MMP9: variants seen among roughly 807,000 people sequenced by gnomAD.
MMP9 encodes matrix metallopeptidase 9.
A neutral mutation model predicts 76.4 loss-of-function variants in MMP9; 73 were observed. The observed-to-expected ratio is 0.96, with a 90% CI of 0.79 to 1.16. The LOEUF (loss-of-function observed/expected upper bound fraction) is 1.16, where lower values mean the gene tolerates loss of function less well. Among genes scored for constraint, MMP9 ranks in the 50% most tolerant of loss-of-function variants. The probability of loss-of-function intolerance (pLI) is 0.00; values close to 1 mark genes in which losing one functional copy is unlikely to be tolerated. For missense variants in MMP9, 943 were observed against 973.0 expected (o/e 0.97, Z 0.41); for synonymous variants, 412 against 408.4 (o/e 1.01, Z -0.11).
In MMP9 at chr20:46,009,884, G is replaced by C; in HGVS notation, c.157G>C (p.Gly53Arg). 3 of 1,551,984 alleles carry C rather than the reference G, an allele frequency of 1.9e-6. No individual in the cohort carries two copies. Among genetic ancestry groups the C allele is most frequent in the Non-Finnish European group, 2.6e-6 (3 of 1,147,118 alleles). ...TCCACAGGAATACCTGTACCGCTAT[G>C]GTTACACTCGGGTGGCAGAGATGCG... ...QLAEEYLYRYGYTRVAEMRGE... is the reference protein window; with the variant it reads ...QLAEEYLYRYRYTRVAEMRGE... Residue 53 changes from glycine (G) to arginine (R), a missense_variant, in exon 2 of 13, where the codon GGT becomes CGT. Transcript: ENST00000372330.
rs2084274553 is a variant in MMP9 at position 46,010,942 on chromosome 20, T to A, written c.541T>A (p.Phe181Ile). 1 of 1,614,122 alleles carries A rather than the reference T, an allele frequency of 6.2e-7. No homozygotes were observed. Among genetic ancestry groups the A allele is most frequent in the African/African-American group, 1.3e-5 (1 of 74,948 alleles). The change falls in exon 4 of 13, where the codon TTC becomes ATC. Residue 181 changes from phenylalanine to isoleucine, a missense_variant. Coordinates refer to ENST00000372330, the MANE Select transcript of MMP9 (RefSeq NM_004994.3). ...GVAEHGDGYP[F>I]DGKDGLLAHA... ...TTCAGAGCACGGAGACGGGTATCCC[T>A]TCGACGGGAAGGACGGGCTCCTGGC... is the stretch of plus-strand genomic sequence containing the variant.
Position 46,014,147 on chromosome 20 carries a change from G to A in MMP9, c.1774G>A (p.Gly592Ser). ...FSGRQVWVYT[G>S]ASVLGPRRLD... is the part of the protein sequence containing the mutation. ...AGGGCGCCAGGTGTGGGTGTACACA[G>A]GCGCGTCGGTGCTGGGCCCGAGGCG... is the stretch of plus-strand genomic sequence containing the variant. Residue 592 changes from glycine to serine, a missense_variant, in exon 11 of 13, where the codon GGC (glycine) becomes AGC (serine). Physicochemically the swap from Gly to Ser is moderately conservative, Grantham distance 56. Transcript: ENST00000372330. The A allele has an allele frequency of 1.2e-5, 18 of 1,536,604 alleles. No homozygotes were observed. Among genetic ancestry groups the A allele is most frequent in the Non-Finnish European group, 1.4e-5 (16 of 1,146,592 alleles).
Position 46,013,203 on chromosome 20 carries a change from G to T in MMP9, c.1331-52G>T. 11 of 1,609,044 alleles carry T rather than the reference G, an allele frequency of 6.8e-6. No homozygotes were observed. Among genetic ancestry groups the T allele is most frequent in the Non-Finnish European group, 9.4e-6 (11 of 1,175,650 alleles). On this transcript the variant is annotated intron_variant, in intron 8 of 12. Coordinates refer to ENST00000372330, the MANE Select transcript of MMP9 (RefSeq NM_004994.3). The surrounding 1 kb of genome is among the most constrained non-coding windows in gnomAD (Gnocchi z 4.5). ...AGCTTAGGGGAGCAGATGTTCTAGG[G>T]GTACAGAGGTATGCAGGAATAGGAA...
At chr20:46,015,034 A>G (rs2084310150) in intron 12 of MMP9, among the ~76,000 whole-genome samples, 1 of 152,166 alleles carries the variant, frequency 6.6e-6, no homozygotes, top group African/African-American at 2.4e-5. Flanking sequence ...AGCCCAAACC[A>G]TACTGGCTGT....
chr20:46,015,858 T>C (rs2084318024), intron 12 of MMP9, among the ~76,000 whole-genome samples: 1 of 152,246 alleles, frequency 6.6e-6, no homozygotes, highest in Non-Finnish European at 1.5e-5. Context: ...GCCTGCATTT[T>C]TTCTGCTTAT....
chr20:46,014,082 C>T, intron 10 of MMP9, 42 bp from the exon 11 acceptor site: 2 of 1,533,606 alleles, frequency 1.3e-6, no homozygotes, highest in Middle Eastern at 2.3e-4. Flanking sequence ...AGTACGTGCT[C>T]CCTCTGCGCC....
At chr20:46,012,656 T>TGGGGTTGGGGGGTG in intron 8 of MMP9, 74 bp downstream of exon 8, 2 of 969,064 alleles carry the variant, frequency 2.1e-6, no homozygotes, top group African/African-American at 1.9e-5. Flanking sequence ...AATTGGGGGT[T>TGGGGTTGGGGGGTG]GGGGATCGGG....
rs1023186665 is a variant in MMP9 at position 46,010,118 on chromosome 20, G to A, written c.371+20G>A. 1.3e-6 allele frequency: 2 copies of A among 1,516,328 alleles called. No individual in the cohort carries two copies. The highest frequency in any genetic ancestry group is 1.8e-6 in the Non-Finnish European group (2 of 1,118,750). 93.9% of individuals were successfully genotyped at this position (1,516,328 alleles called of 1,614,324 possible). On this transcript the variant is annotated intron_variant, in intron 2 of 12. Coordinates refer to ENST00000372330, the MANE Select transcript of MMP9 (RefSeq NM_004994.3). ...CTATTGGTGAGCCGGGGCCGTGGGG[G>A]CAGCGGGGTGGGGCGGGGAGGCCAG...
In MMP9 at chr20:46,014,439, T is replaced by C. The variant is rs200684686; in HGVS notation, c.1970T>C (p.Val657Ala). 4.5e-6 allele frequency: 7 copies of C among 1,549,974 alleles called. No individual in the cohort carries two copies. Among genetic ancestry groups the C allele is most frequent in the Non-Finnish European group, 6.1e-6 (7 of 1,146,858 alleles). ...ASEVDRMFPG[V>A]PLDTHDVFQY... ...GAGGTGGACCGGATGTTCCCCGGGG[T>C]GCCTTTGGACACGCACGACGTCTTC... The change falls in exon 12 of 13, where the codon GTG becomes GCG. Residue 657 changes from valine (V) to alanine (A), a missense_variant. Physicochemically the swap from Val to Ala is moderately conservative, Grantham distance 64. Coordinates refer to ENST00000372330, the MANE Select transcript of MMP9 (RefSeq NM_004994.3).
At chr20:46,011,423 C>T in intron 5 of MMP9, 107 bp downstream of exon 5, 1 of 1,570,660 alleles carries the variant, frequency 6.4e-7, no homozygotes. Flanking sequence ...AATTCACCCT[C>T]CCGCACTCTG....
At chr20:46,009,576 C>G (rs1008445302) in intron 1 of MMP9, among the ~76,000 whole-genome samples, 11 of 151,976 alleles carry the variant, frequency 7.2e-5, no homozygotes, top group Admixed American at 2.0e-4. Context: ...CGCTGAAGCT[C>G]AGGAGTTTGA....
rs6104427 is a variant in MMP9, at chr20:46,014,209, G to A, written c.1836G>A (p.Gln612=). The change falls in exon 11 of 13, where the codon CAG becomes CAA. Residue 612 remains glutamine, a synonymous_variant. Coordinates refer to ENST00000372330, the MANE Select transcript of MMP9 (RefSeq NM_004994.3). ...DKLGLGADVA[Q]VTGALRSGRG... ...TGGGCCTGGGAGCCGACGTGGCCCA[G>A]GTGACCGGGGCCCTCCGGAGTGGCA... 17 of 1,538,274 alleles carry A rather than the reference G, an allele frequency of 1.1e-5. No individual in the cohort carries two copies. Among genetic ancestry groups the A allele is most frequent in the African/African-American group, 1.4e-5 (1 of 72,918 alleles).
At chr20:46,010,230 TC>T in intron 2 of MMP9, 132 bp downstream of exon 2, 2 of 900,076 alleles carry the variant, frequency 2.2e-6, no homozygotes, top group Non-Finnish European at 3.3e-6. Flanking sequence ...CTGGGGAGTG[TC>T]CCCACCTCTG....
chr20:46,015,453 C>CTTTTTTTT (rs199508388), intron 12 of MMP9, among the ~76,000 whole-genome samples: 13 of 125,574 alleles, frequency 1.0e-4, no homozygotes, highest in South Asian at 5.1e-4. Flanking sequence ...TTTCTTTTTT[C>CTTTTTTTT]TTTTTTTTTT....
intron 8 of MMP9, 92 bp downstream of exon 8, chr20:46,012,674 C>T (rs2084290973): frequency 2.8e-6 from 4 of 1,450,898 alleles, no homozygotes; most frequent in South Asian, 2.3e-5. Context: ...GGGGGAGGAA[C>T]GGGGCGTGCA....
Position 46,012,408 on chromosome 20 carries a change from A to G in MMP9, c.1175-19A>G, listed in dbSNP as rs564008652. The G allele has an allele frequency of 3.1e-6, 5 of 1,613,886 alleles. No individual in the cohort carries two copies. The highest frequency in any genetic ancestry group is 1.3e-5 in the African/African-American group (1 of 75,030). On this transcript the variant is annotated intron_variant, in intron 7 of 12. Coordinates refer to ENST00000372330, the MANE Select transcript of MMP9 (RefSeq NM_004994.3). ...GGGCTCGGCCCGGCGCTCACGTCTC[A>G]GGCTCCCTCTCCCTCCAGGATACAG...
Position 46,011,751 on chromosome 20 carries a change from C to T in MMP9, c.997+4C>T. On this transcript the variant is annotated splice_donor_region_variant and intron_variant, in intron 6 of 12. Transcript: ENST00000372330. ...TTCGGCTTCTGCCCGACCCGAGGTA[C>T]CTCCACCCTGTCTACCAGGTTCAGC... 6.2e-7 allele frequency: 1 copy of T among 1,609,422 alleles called. No individual in the cohort carries two copies. The highest frequency in any genetic ancestry group is 1.1e-5 in the South Asian group (1 of 90,964).
rs199677423 is a variant in MMP9 at position 46,016,351 on chromosome 20, C to A, written c.2107C>A (p.Gln703Lys). The A allele has an allele frequency of 3.3e-5, 54 of 1,613,832 alleles. No homozygotes were observed. Among genetic ancestry groups the A allele is most frequent in the Non-Finnish European group, 4.3e-5 (51 of 1,179,848 alleles). ...GGGCTACGTGACCTATGACATCCTGCAGTGCCCTGAGGACTAGGGCTCCCG... is the reference window on the plus strand; with the variant it reads ...GGGCTACGTGACCTATGACATCCTGAAGTGCCCTGAGGACTAGGGCTCCCG... ...QVGYVTYDIL[Q>K]CPED is the part of the protein sequence containing the mutation. Residue 703 changes from glutamine (Q) to lysine (K), a missense_variant, in exon 13 of 13, where the codon CAG (glutamine) becomes AAG (lysine). Coordinates refer to ENST00000372330, the MANE Select transcript of MMP9 (RefSeq NM_004994.3).
Position 46,009,891 on chromosome 20 carries a change from C to T in MMP9, c.164C>T (p.Thr55Ile), listed in dbSNP as rs201920350. The change falls in exon 2 of 13, where the codon ACT (threonine) becomes ATT (isoleucine). Residue 55 changes from threonine to isoleucine, a missense_variant. Thr to Ile is a moderately conservative substitution (Grantham distance 89). Coordinates refer to ENST00000372330, the MANE Select transcript of MMP9 (RefSeq NM_004994.3). ...GAATACCTGTACCGCTATGGTTACA[C>T]TCGGGTGGCAGAGATGCGTGGAGAG... The part of the protein sequence containing the change: ...AEEYLYRYGY[T>I]RVAEMRGESK... 28 of 1,551,948 alleles carry T rather than the reference C, an allele frequency of 1.8e-5. 3 individuals carry two copies. The South Asian group carries it at 3.0e-4, about 16-fold the overall frequency.
Sources: gnomAD v4.1 joint callset for allele counts (sites outside exome capture counted in the v4.1 genomes callset) on GRCh38, gnomAD v4.1.1 for gene constraint, Gnocchi (gnomAD v3.1) non-coding constraint, MANE v1.5 for transcripts, NCBI Gene and HGNC (gene_info 2026-07-23, HGNC 2026-07-21) for gene names.